Variants in ABLIM1 observed in about 807,000 individuals in gnomAD.
ABLIM1 encodes the protein actin-binding LIM protein 1.
A neutral mutation model predicts 107.0 loss-of-function variants in ABLIM1; 40 were observed. That is an observed-to-expected ratio of 0.37 (90% CI 0.29 to 0.49). ABLIM1 has a LOEUF of 0.49. ABLIM1 is among the 20% of genes least tolerant of loss of function. The pLI, the probability that ABLIM1 is intolerant of heterozygous loss-of-function variation, is 0.97. For missense variants in ABLIM1, 857 were observed against 1,008.5 expected (o/e 0.85, Z 2.04); for synonymous variants, 357 against 357.3 (o/e 1.00, Z 0.01).
chr10:114,500,987 G>T (rs188860121), intron 6 of ABLIM1, among the ~76,000 whole-genome samples: 3 of 152,256 alleles, frequency 2.0e-5, no homozygotes, highest in Admixed American at 2.0e-4. Flanking sequence ...AGGTGTTCTA[G>T]AAGTGTCCAG....
At chr10:114,655,628 T>A (rs2079467087) in intron 1 of ABLIM1, among the ~76,000 whole-genome samples, 1 of 152,206 alleles carries the variant, frequency 6.6e-6, no homozygotes, top group Admixed American at 6.5e-5. Flanking sequence ...ATTCTAGGTA[T>A]CCCCTAGTAT....
chr10:114,660,390 A>G (rs897517562), upstream of ABLIM1, among the ~76,000 whole-genome samples: 5 of 151,962 alleles, frequency 3.3e-5, no homozygotes, highest in Non-Finnish European at 1.5e-5. Flanking sequence ...AGAAAGCACC[A>G]CTACAGAACT....
chr10:114,584,430 A>G (rs1409878464), intron 2 of ABLIM1, among the ~76,000 whole-genome samples: 1 of 152,176 alleles, frequency 6.6e-6, no homozygotes, highest in Non-Finnish European at 1.5e-5. Flanking sequence ...TGTCTTCTCA[A>G]ACCACCAAAA....
intron 1 of ABLIM1, among the ~76,000 whole-genome samples, chr10:114,762,855 T>C (rs1278715509): frequency 6.6e-6 from 1 of 152,262 alleles, no homozygotes; most frequent in Non-Finnish European, 1.5e-5. Context: ...TCACTCACTC[T>C]TTCCAATAAC....
At position 114,447,862 on chromosome 10, in the gene ABLIM1, G is replaced by A. The variant is rs1046504919; in HGVS notation, c.1735+18C>T. On this transcript the variant is annotated intron_variant, in intron 15 of 22. Transcript: ENST00000533213. ...CCTAGCAGTTTGTCCCTTTGACTTAGCCGTGACAGTTGCATACCTACGACA... is the reference window on the plus strand; with the variant it reads ...CCTAGCAGTTTGTCCCTTTGACTTAACCGTGACAGTTGCATACCTACGACA... The A allele has an allele frequency of 6.2e-7, 1 of 1,613,752 alleles. No homozygotes were observed. The highest frequency in any genetic ancestry group is 2.2e-5 in the East Asian group (1 of 44,860).
At chr10:114,795,430 G>A in the ABLIM1 span, among the ~76,000 whole-genome samples, 2 of 152,166 alleles carry the variant, frequency 1.3e-5, no homozygotes, top group Admixed American at 6.5e-5. Context: ...TTCTGGGCTG[G>A]GTGCAGTAGC....
chr10:114,436,401 T>C lies in ABLIM1; in HGVS notation c.2224-28A>G, dbSNP rs751352865. The C allele has an allele frequency of 2.1e-5, 32 of 1,510,240 alleles. 1 individual carries two copies. The East Asian group carries it at 4.3e-4, about 20-fold the overall frequency. The allele number at this position is 1,510,240 out of a possible 1,614,324, so 93.6% of individuals were successfully genotyped here. ...GGGAAGAAGAAAAAAAAAAAAGAGC[T>C]GCTGTCAGTCCTGATGGCCACACAA... On this transcript the variant is annotated intron_variant, in intron 22 of 22. Coordinates refer to ENST00000533213, the MANE Select transcript of ABLIM1 (RefSeq NM_002313.7).
At chr10:114,660,867 C>G (rs1314772471), upstream of ABLIM1, among the ~76,000 whole-genome samples, 1 of 152,182 alleles carries the variant, frequency 6.6e-6, no homozygotes, top group East Asian at 1.9e-4. Context: ...TTCCTTCAAA[C>G]CCAGCATCTT....
chr10:114,742,170 A>G (rs540901363), intron 1 of ABLIM1, among the ~76,000 whole-genome samples: 2 of 152,344 alleles, frequency 1.3e-5, no homozygotes, highest in South Asian at 4.1e-4. Flanking sequence ...TTTTAATGAA[A>G]TATGAATGCT....
intron 2 of ABLIM1, 73 bp downstream of exon 2, chr10:114,601,754 A>C: frequency 6.2e-7 from 1 of 1,607,814 alleles, no homozygotes; most frequent in Non-Finnish European, 8.5e-7. Flanking sequence ...TGTGGAGTTA[A>C]GGGGATGGGC....
At chr10:114,626,792 G>A (rs1266532243) in intron 1 of ABLIM1, among the ~76,000 whole-genome samples, 1 of 152,140 alleles carries the variant, frequency 6.6e-6, no homozygotes, top group Non-Finnish European at 1.5e-5. Context: ...GTTAAAATGA[G>A]ATCATTAGGG....
chr10:114,456,459 TATAA>T (rs1247550816), intron 12 of ABLIM1, among the ~76,000 whole-genome samples: 2 of 152,182 alleles, frequency 1.3e-5, no homozygotes, highest in Non-Finnish European at 2.9e-5. Flanking sequence ...CGAAAGAAGG[TATAA>T]TGGGTCTCAA....
intron 6 of ABLIM1, among the ~76,000 whole-genome samples, chr10:114,529,173 G>A (rs1241226352): frequency 6.7e-6 from 1 of 148,860 alleles, no homozygotes; most frequent in Non-Finnish European, 1.5e-5. Flanking sequence ...TCGCAAGGCT[G>A]GAGTGCAGTG....
At chr10:114,600,746 C>T (rs1286474983) in intron 2 of ABLIM1, among the ~76,000 whole-genome samples, 1 of 152,042 alleles carries the variant, frequency 6.6e-6, no homozygotes, top group Admixed American at 6.6e-5. Context: ...TGAGTCTCGC[C>T]TCCCTTCCTT....
intron 4 of ABLIM1, among the ~76,000 whole-genome samples, chr10:114,558,046 T>C (rs2069033463): frequency 6.6e-6 from 1 of 152,160 alleles, no homozygotes; most frequent in South Asian, 2.1e-4. Context: ...CCCATCTCCT[T>C]GGCTGAAGCA....
intron 6 of ABLIM1, among the ~76,000 whole-genome samples, chr10:114,499,197 T>C (rs895924003): frequency 4.6e-5 from 7 of 152,200 alleles, no homozygotes; most frequent in Non-Finnish European, 8.8e-5. Flanking sequence ...AAAAACATCT[T>C]CCACAGGAAT....
intron 1 of ABLIM1, among the ~76,000 whole-genome samples, chr10:114,611,831 C>G (rs1406636063): frequency 4.6e-5 from 7 of 152,204 alleles, no homozygotes; most frequent in African/African-American, 1.7e-4. Flanking sequence ...TTGACACACT[C>G]TTTGACTGAG....
the ABLIM1 span, among the ~76,000 whole-genome samples, chr10:114,787,060 T>G: frequency 6.8e-6 from 1 of 146,720 alleles, no homozygotes; most frequent in Admixed American, 6.8e-5. Context: ...GAGCGCCTCT[T>G]CCCTGCCGCC....
chr10:114,506,713 A>G (rs2061201879), intron 6 of ABLIM1, among the ~76,000 whole-genome samples: 1 of 152,158 alleles, frequency 6.6e-6, no homozygotes, highest in African/African-American at 2.4e-5. Flanking sequence ...TAATTGTTTA[A>G]GTTTCTTACA....
Sources: gnomAD v4.1 joint callset for allele counts (sites outside exome capture counted in the v4.1 genomes callset) on GRCh38, gnomAD v4.1.1 for gene constraint, MANE v1.5 for transcripts, NCBI Gene and HGNC (gene_info 2026-07-23, HGNC 2026-07-21) for gene names.